The following CWH43 variants were observed in gnomAD, a reference collection of about 807,000 sequenced individuals.
CWH43 encodes cell wall biogenesis 43 C-terminal homolog.
In CWH43, 91 loss-of-function variants were observed where a neutral mutation model predicts 85.7. The observed-to-expected ratio is 1.06, with a 90% CI of 0.90 to 1.26. The LOEUF (loss-of-function observed/expected upper bound fraction) is 1.26, where lower values mean the gene tolerates loss of function less well. CWH43 is among the 50% of genes most tolerant of loss of function. CWH43 has a pLI of 0.00. For synonymous variants in CWH43, 323 were observed against 293.6 expected (o/e 1.10, Z -1.02); for missense variants, 869 against 839.2 (o/e 1.04, Z -0.44).
chr4:49,030,708 T>C, intron 10 of CWH43, 117 bp from the exon 11 acceptor site: 5 of 913,672 alleles, frequency 5.5e-6, no homozygotes, highest in Non-Finnish European at 7.7e-6. Flanking sequence ...ATAATTACTT[T>C]GTTTTTGGGT....
chr4:49,012,496 G>T lies in CWH43; in HGVS notation c.1187-4753G>T, dbSNP rs1013059188. On this transcript the variant is annotated intron_variant, in intron 8 of 15. Transcript: ENST00000226432. Reference sequence around the variant, plus strand: ...TGTCAACTCATCAAAGTCATTCTCCGTCCAGCTTTGTTCCATTGCTGGTGA... The same window carrying T: ...TGTCAACTCATCAAAGTCATTCTCCTTCCAGCTTTGTTCCATTGCTGGTGA... 3.3e-5 allele frequency among the ~76,000 whole-genome samples: 5 copies of T among 152,158 alleles called. No homozygotes were observed. The East Asian group carries it at 7.7e-4, about 23-fold the overall frequency.
Position 49,013,654 on chromosome 4 carries a change from A to C in CWH43, c.1187-3595A>C, listed in dbSNP as rs1158738762. Among the ~76,000 whole-genome samples, 8 of 152,312 alleles carry C rather than the reference A, an allele frequency of 5.3e-5. No individual in the cohort carries two copies. The East Asian group carries it at 1.5e-3, about 29-fold the overall frequency. ...TACTTTTTTTTTTGTACTTTAAAGCAAATCTCTGATATCATGCCATTTCCA... is the reference window on the plus strand; with the variant it reads ...TACTTTTTTTTTTGTACTTTAAAGCCAATCTCTGATATCATGCCATTTCCA... On this transcript the variant is annotated intron_variant, in intron 8 of 15. Transcript: ENST00000226432.
intron 4 of CWH43, among the ~76,000 whole-genome samples, chr4:48,993,721 T>C (rs894249314): frequency 2.8e-4 from 42 of 152,154 alleles, no homozygotes; most frequent in African/African-American, 9.4e-4. Context: ...TTACTAGCTG[T>C]GTGAACTTGG....
At chr4:48,993,169 G>C (rs1204542936) in intron 4 of CWH43, among the ~76,000 whole-genome samples, 4 of 152,026 alleles carry the variant, frequency 2.6e-5, no homozygotes, top group Non-Finnish European at 5.9e-5. Context: ...AAAACTGACT[G>C]TTCACCCTGC....
intron 8 of CWH43, among the ~76,000 whole-genome samples, chr4:49,013,419 A>G (rs1022863728): frequency 1.1e-4 from 17 of 152,370 alleles, no homozygotes; most frequent in African/African-American, 3.8e-4. Context: ...TGGCTAGGAA[A>G]GGGAAATCCT....
chr4:49,021,316 T>G (rs554970129), intron 9 of CWH43, among the ~76,000 whole-genome samples: 1 of 152,320 alleles, frequency 6.6e-6, no homozygotes, highest in East Asian at 1.9e-4. Flanking sequence ...AGAATGTCCT[T>G]TTCCACTTTA....
intron 8 of CWH43, among the ~76,000 whole-genome samples, chr4:49,008,319 G>A (rs968723270): frequency 1.6e-3 from 241 of 151,702 alleles, no homozygotes; most frequent in African/African-American, 5.6e-3. Context: ...TGATGGAGTC[G>A]TTTGTTTTTT....
intron 13 of CWH43, among the ~76,000 whole-genome samples, chr4:49,044,259 T>C (rs1230520802): frequency 6.6e-6 from 1 of 152,212 alleles, no homozygotes; most frequent in Non-Finnish European, 1.5e-5. Context: ...ATGTTCTTAT[T>C]TCCATGATTC....
intron 8 of CWH43, among the ~76,000 whole-genome samples, chr4:49,013,805 T>C (rs1047948321): frequency 6.6e-6 from 1 of 152,198 alleles, no homozygotes; most frequent in African/African-American, 2.4e-5. Flanking sequence ...TTTTCCTTTT[T>C]TGGGGAGATT....
intron 6 of CWH43, among the ~76,000 whole-genome samples, chr4:49,003,184 C>T (rs561834312): frequency 6.6e-6 from 1 of 151,384 alleles, no homozygotes; most frequent in African/African-American, 2.4e-5. Context: ...AATGAATGAA[C>T]TGATTGCAGA....
Position 49,007,212 on chromosome 4 carries a change from T to A in CWH43, c.1072T>A (p.Leu358Ile), listed in dbSNP as rs1783187420. 6 of 1,608,026 alleles carry A rather than the reference T, an allele frequency of 3.7e-6. No individual in the cohort carries two copies. The highest frequency in any genetic ancestry group is 4.2e-6 in the Non-Finnish European group (5 of 1,177,946). The change falls in exon 8 of 16, where the codon TTA (leucine) becomes ATA (isoleucine). Residue 358 changes from leucine (L) to isoleucine (I), a missense_variant. Around this residue, in one of 3 missense-constraint regions of CWH43, gnomAD observed 577 missense variants for 513.1 expected, o/e 1.12. Transcript: ENST00000226432. ...TTCTCTTATAACAGGGACAATGATGTTAATTATCGGGCTGAATATGCTATT... is the reference window on the plus strand; with the variant it reads ...TTCTCTTATAACAGGGACAATGATGATAATTATCGGGCTGAATATGCTATT... Reference protein sequence around the residue: ...RSDVLLGTMMLIIGLNMLFGP... With the variant: ...RSDVLLGTMMIIIGLNMLFGP...
In CWH43 at chr4:49,032,662, T is replaced by A; in HGVS notation, c.1605T>A (p.Val535=). 6.2e-7 allele frequency: 1 copy of A among 1,614,128 alleles called. No individual in the cohort carries two copies. The highest frequency in any genetic ancestry group is 8.5e-7 in the Non-Finnish European group (1 of 1,179,960). ...TCGCACCAGCCATCACATTGACCGTTAACATTTCGGGCAAGCTGGTGGATT... is the reference window on the plus strand; with the variant it reads ...TCGCACCAGCCATCACATTGACCGTAAACATTTCGGGCAAGCTGGTGGATT... The part of the protein sequence containing the change: ...GEIAPAITLT[V]NISGKLVDFV... Residue 535 remains valine, a synonymous_variant, in exon 12 of 16, where the codon GTT becomes GTA. Transcript: ENST00000226432.
chr4:49,032,538 G>A lies in CWH43; in HGVS notation c.1509-28G>A, dbSNP rs114894912. 7.0e-3 allele frequency: 11,209 copies of A among 1,612,562 alleles called. 43 individuals carry two copies. The highest frequency in any genetic ancestry group is 0.015 in the African/African-American group (1,131 of 74,988). ...ATGGTAGAATGGGACTGACAATGAT[G>A]CCCATGTCTCTTTTCATTCCAATAC... On this transcript the variant is annotated intron_variant, in intron 11 of 15. Transcript: ENST00000226432.
chr4:48,992,382 C>G lies in CWH43; in HGVS notation c.511+292C>G, dbSNP rs1782685439. ...GCCTCATATCCCAGCTGGCATTCAG[C>G]TCTGTCTTCCTCCTTCTTTCCCCTG... is the stretch of plus-strand genomic sequence containing the variant. On this transcript the variant is annotated intron_variant, in intron 4 of 15. Transcript: ENST00000226432. This position sits in a 1 kb window ranked among gnomAD's most constrained non-coding sequence, Gnocchi z 4.3. 6.6e-6 allele frequency among the ~76,000 whole-genome samples: 1 copy of G among 152,288 alleles called. No homozygotes were observed. Among genetic ancestry groups the G allele is most frequent in the East Asian group, 1.9e-4 (1 of 5,184 alleles).
At chr4:49,054,004 G>A (rs1047153273) in intron 15 of CWH43, among the ~76,000 whole-genome samples, 14 of 152,080 alleles carry the variant, frequency 9.2e-5, no homozygotes, top group African/African-American at 3.4e-4. Context: ...CTATATAGAA[G>A]CTTGTTAGTT....
chr4:49,054,405 T>C (rs1333916981), intron 15 of CWH43, among the ~76,000 whole-genome samples: 4 of 152,218 alleles, frequency 2.6e-5, no homozygotes, highest in African/African-American at 9.6e-5. Flanking sequence ...TTTTAATTAC[T>C]ACAGGTTTGT....
intron 8 of CWH43, among the ~76,000 whole-genome samples, chr4:49,015,107 G>C (rs1319296236): frequency 6.6e-6 from 1 of 152,044 alleles, no homozygotes; most frequent in Non-Finnish European, 1.5e-5. Context: ...TTTCCAGAAT[G>C]TCAATTTTTG....
chr4:49,023,777 T>C (rs1371916312), intron 9 of CWH43, among the ~76,000 whole-genome samples: 1 of 152,220 alleles, frequency 6.6e-6, no homozygotes, highest in African/African-American at 2.4e-5. Context: ...TCATATGGTC[T>C]ATCTTGGAGA....
intron 8 of CWH43, among the ~76,000 whole-genome samples, chr4:49,009,417 G>A (rs1467747619): frequency 6.6e-6 from 1 of 152,168 alleles, no homozygotes; most frequent in Admixed American, 6.6e-5. Flanking sequence ...CATGTCATCT[G>A]CAAACAGGGA....
Sources: allele counts gnomAD v4.1 joint callset (sites outside exome capture counted in the v4.1 genomes callset), GRCh38; gene constraint gnomAD v4.1.1; regional missense constraint gnomAD v4.1.1; non-coding constraint Gnocchi (gnomAD v3.1); transcripts MANE v1.5; gene names NCBI Gene and HGNC (gene_info 2026-07-23, HGNC 2026-07-21).